PDE1C: variants seen among roughly 807,000 people sequenced by gnomAD.
The protein encoded by PDE1C is phosphodiesterase 1C.
PDE1C carries 62 observed loss-of-function variants against 93.1 expected under a neutral mutation model. The observed-to-expected ratio is 0.67, with a 90% CI of 0.54 to 0.82. The LOEUF is 0.82. PDE1C is among the 40% of genes least tolerant of loss of function. The pLI is 0.00. For missense variants in PDE1C, 742 were observed against 884.6 expected, an observed-to-expected ratio of 0.84 and a Z score of 2.04; for synonymous variants, 325 against 310.1, an observed-to-expected ratio of 1.05 and a Z score of -0.50.
At chr7:32,122,098 A>C (rs923196073) in intron 3 of PDE1C, among the ~76,000 whole-genome samples, 1 of 152,354 alleles carries the variant, frequency 6.6e-6, no homozygotes, top group Middle Eastern at 3.4e-3. Context: ...CAGACTTTAA[A>C]CCAACAAAGA....
At chr7:32,286,017 A>G (rs1463309079) in intron 1 of PDE1C, among the ~76,000 whole-genome samples, 1 of 152,212 alleles carries the variant, frequency 6.6e-6, no homozygotes, top group African/African-American at 2.4e-5. Flanking sequence ...ATTATTTAAT[A>G]TCTTCCTATA....
the PDE1C span, chr7:31,656,035 A>C: frequency 1.0e-6 from 1 of 983,000 alleles, no homozygotes; most frequent in Non-Finnish European, 1.2e-6. Flanking sequence ...GTATCTCACC[A>C]GTAAGTCCTA....
chr7:31,887,899 A>G (rs1012655563), intron 2 of PDE1C, among the ~76,000 whole-genome samples: 1 of 152,232 alleles, frequency 6.6e-6, no homozygotes, highest in African/African-American at 2.4e-5. Flanking sequence ...ATTCTAACTG[A>G]ACAATAACAT....
chr7:32,295,321 C>G (rs1303883957), intron 1 of PDE1C, among the ~76,000 whole-genome samples: 1 of 152,214 alleles, frequency 6.6e-6, no homozygotes, highest in Non-Finnish European at 1.5e-5. Context: ...ATGTGTGGGA[C>G]AAACCCGGGC....
chr7:31,642,927 C>T, the PDE1C span: 4 of 1,614,028 alleles, frequency 2.5e-6, no homozygotes, highest in South Asian at 4.4e-5. Context: ...AGCTGTATAT[C>T]CCAGACATGG....
At chr7:32,249,029 G>A (rs1334380617) in intron 1 of PDE1C, among the ~76,000 whole-genome samples, 2 of 152,186 alleles carry the variant, frequency 1.3e-5, no homozygotes, top group African/African-American at 4.8e-5. Flanking sequence ...GTGAACAGGA[G>A]CTCTTGGAAG....
chr7:32,410,166 A>G (rs1785136062), intron 1 of PDE1C, among the ~76,000 whole-genome samples: 1 of 152,172 alleles, frequency 6.6e-6, no homozygotes, highest in Non-Finnish European at 1.5e-5. Context: ...AATATAAAGT[A>G]GTTTTTTAAA....
the PDE1C span, among the ~76,000 whole-genome samples, chr7:31,647,169 G>C: frequency 6.6e-6 from 1 of 152,220 alleles, no homozygotes; most frequent in Non-Finnish European, 1.5e-5. Flanking sequence ...AAAGCACAAA[G>C]AGAACAAGTT....
intron 17 of PDE1C, among the ~76,000 whole-genome samples, chr7:31,771,157 A>G (rs1283504037): frequency 2.0e-5 from 3 of 152,320 alleles, no homozygotes; most frequent in South Asian, 4.1e-4. Flanking sequence ...CCAAAAATCA[A>G]CTTCTTCTAG....
intron 16 of PDE1C, among the ~76,000 whole-genome samples, chr7:31,801,664 A>T (rs1371962644): frequency 6.6e-6 from 1 of 151,542 alleles, no homozygotes; most frequent in African/African-American, 2.4e-5. Flanking sequence ...TATTTGGTGC[A>T]TAAATGTAAA....
intron 2 of PDE1C, among the ~76,000 whole-genome samples, chr7:31,903,872 C>T (rs897067305): frequency 6.6e-6 from 1 of 152,012 alleles, no homozygotes; most frequent in African/African-American, 2.4e-5. Context: ...GTCAAAGGAC[C>T]AATATTAATG....
intron 1 of PDE1C, among the ~76,000 whole-genome samples, chr7:32,385,835 C>T (rs1009882219): frequency 6.6e-6 from 1 of 152,112 alleles, no homozygotes; most frequent in Non-Finnish European, 1.5e-5. Context: ...TGGGAACTGG[C>T]CTTGTTCACC....
chr7:31,969,015 AAC>A (rs1810487093), intron 2 of PDE1C, among the ~76,000 whole-genome samples: 1 of 152,222 alleles, frequency 6.6e-6, no homozygotes, highest in South Asian at 2.1e-4. Context: ...ATAGACCTAA[AAC>A]CATAAAAACC....
rs182688390 is a variant in PDE1C, at chr7:31,868,170, T to C, written c.610-3088A>G. ...AAGGAAATATGACACTTCCAAATGA[T>C]TGACTAATTACCCAGCAAGAGACCC... is the stretch of plus-strand genomic sequence containing the variant. On this transcript the variant is annotated intron_variant, in intron 6 of 17. Coordinates refer to ENST00000396191, the MANE Select transcript of PDE1C (RefSeq NM_001191057.4). Among the ~76,000 whole-genome samples the C allele has an allele frequency of 5.9e-5, 9 of 152,340 alleles. No individual in the cohort carries two copies. The East Asian group carries it at 9.6e-4, about 16-fold the overall frequency.
At chr7:31,794,089 C>CAGACAGACAGACAGATAGATAGAT (rs1562808129) in intron 16 of PDE1C, among the ~76,000 whole-genome samples, 1 of 136,080 alleles carries the variant, frequency 7.3e-6, no homozygotes, top group African/African-American at 3.0e-5. Flanking sequence ...GACAGACAGA[C>CAGACAGACAGACAGATAGATAGAT]AGATAGATAG....
chr7:32,302,134 G>T (rs1812895724), upstream of PDE1C, among the ~76,000 whole-genome samples: 1 of 152,132 alleles, frequency 6.6e-6, no homozygotes, highest in Admixed American at 6.5e-5. Flanking sequence ...TTACTATCTG[G>T]CCCTTTACAT....
chr7:31,638,865 C>T, the PDE1C span, among the ~76,000 whole-genome samples: 1 of 152,150 alleles, frequency 6.6e-6, no homozygotes, highest in Non-Finnish European at 1.5e-5. Flanking sequence ...CAACCTCCAC[C>T]TCCCAGGTTC....
chr7:32,053,646 A>C (rs1453211988), intron 1 of PDE1C, among the ~76,000 whole-genome samples: 1 of 152,188 alleles, frequency 6.6e-6, no homozygotes, highest in Non-Finnish European at 1.5e-5. Flanking sequence ...GGTCAGAAGA[A>C]GACAGCCCTT....
chr7:31,782,155 G>A (rs2058411), intron 16 of PDE1C, among the ~76,000 whole-genome samples: 82,894 of 152,020 alleles, frequency 0.55, 24,998 homozygotes, highest in Middle Eastern at 0.72. Context: ...AGTAAATTGC[G>A]CTAGAGCCAC....
Sources: allele counts gnomAD v4.1 joint callset (sites outside exome capture counted in the v4.1 genomes callset), GRCh38; gene constraint gnomAD v4.1.1; transcripts MANE v1.5; gene names NCBI Gene and HGNC (gene_info 2026-07-23, HGNC 2026-07-21).